CDH18: variants seen among roughly 807,000 people sequenced by gnomAD.
CDH18 encodes the protein cadherin 18.
In CDH18, 31 loss-of-function variants were observed where a neutral mutation model predicts 67.9. The ratio of observed to expected loss-of-function variants is 0.46; its 90% CI spans 0.34 to 0.62. The LOEUF is 0.62. CDH18 is among the 20% of genes least tolerant of loss of function. The pLI, the probability that CDH18 is intolerant of heterozygous loss-of-function variation, is 0.01. For missense variants in CDH18, 890 were observed against 975.5 expected (o/e 0.91, Z 1.17); for synonymous variants, 362 against 347.2 (o/e 1.04, Z -0.48).
At chr5:19,888,036 G>T (rs1315731293) in intron 2 of CDH18, among the ~76,000 whole-genome samples, 1 of 152,080 alleles carries the variant, frequency 6.6e-6, no homozygotes, top group Admixed American at 6.6e-5. Context: ...GTATAGGTAG[G>T]TTCTAATCTC....
intron 11 of CDH18, among the ~76,000 whole-genome samples, chr5:19,495,008 A>T (rs1742050116): frequency 6.6e-6 from 1 of 152,176 alleles, no homozygotes; most frequent in South Asian, 2.1e-4. Context: ...TTTCATTAAC[A>T]GTTCGTACTG....
intron 3 of CDH18, among the ~76,000 whole-genome samples, chr5:19,751,357 CTG>C (rs1770817991): frequency 6.6e-6 from 1 of 152,160 alleles, no homozygotes. Flanking sequence ...TGACTTAAAA[CTG>C]TAATATTTTG....
intron 2 of CDH18, among the ~76,000 whole-genome samples, chr5:19,940,040 T>C (rs1794664369): frequency 6.6e-6 from 1 of 151,872 alleles, no homozygotes. Context: ...ATGTTTTCAA[T>C]ATTTGCATCT....
intron 5 of CDH18, among the ~76,000 whole-genome samples, chr5:19,687,488 G>C (rs1006036758): frequency 2.0e-5 from 3 of 152,166 alleles, no homozygotes; most frequent in African/African-American, 7.2e-5. Flanking sequence ...ACAGCGTCCT[G>C]TATCTTGGGG....
At chr5:20,312,328 G>A (rs1015019211) in intron 1 of CDH18, among the ~76,000 whole-genome samples, 6 of 152,028 alleles carry the variant, frequency 3.9e-5, no homozygotes, top group Non-Finnish European at 5.9e-5. Context: ...GTTAACTTCT[G>A]TAATTAATTA....
At chr5:19,610,800 T>C (rs1054546743) in intron 6 of CDH18, among the ~76,000 whole-genome samples, 10 of 152,104 alleles carry the variant, frequency 6.6e-5, no homozygotes, top group South Asian at 6.2e-4. Context: ...AGTGATAACA[T>C]TGATACAAAA....
chr5:20,524,066 A>G (rs1276665687), intron 1 of CDH18, among the ~76,000 whole-genome samples: 1 of 152,154 alleles, frequency 6.6e-6, no homozygotes, highest in South Asian at 2.1e-4. Flanking sequence ...ATCCATATGA[A>G]ATGAGCTCTT....
chr5:20,181,210 C>T (rs1561856421), intron 2 of CDH18, among the ~76,000 whole-genome samples: 1 of 152,112 alleles, frequency 6.6e-6, no homozygotes, highest in African/African-American at 2.4e-5. Flanking sequence ...TCAGTTGCTC[C>T]TCCCATATTT....
intron 1 of CDH18, among the ~76,000 whole-genome samples, chr5:20,500,213 T>C (rs1464539769): frequency 6.6e-6 from 1 of 152,128 alleles, no homozygotes; most frequent in African/African-American, 2.4e-5. Context: ...ACTCAAACAA[T>C]TAAATTGCTG....
intron 1 of CDH18, among the ~76,000 whole-genome samples, chr5:20,322,062 C>T (rs1738083286): frequency 6.6e-6 from 1 of 152,022 alleles, no homozygotes; most frequent in Non-Finnish European, 1.5e-5. Context: ...GAAAAAAAAG[C>T]CTGCAGGAAA....
intron 4 of CDH18, among the ~76,000 whole-genome samples, chr5:19,732,364 G>A (rs1357053206): frequency 3.3e-5 from 5 of 152,042 alleles, no homozygotes; most frequent in African/African-American, 9.7e-5. Context: ...TGAGGCAGGA[G>A]GGTCTTGAGC....
chr5:20,196,252 T>A (rs189152270), intron 2 of CDH18, among the ~76,000 whole-genome samples: 72 of 151,996 alleles, frequency 4.7e-4, no homozygotes, highest in African/African-American at 1.7e-3. Context: ...AGAGTTATAG[T>A]GTTTACTAAT....
At chr5:20,179,707 A>G (rs1737532904) in intron 2 of CDH18, among the ~76,000 whole-genome samples, 1 of 152,178 alleles carries the variant, frequency 6.6e-6, no homozygotes, top group Admixed American at 6.5e-5. Flanking sequence ...AGTTTGATGC[A>G]ATCTCACAAA....
At chr5:20,093,030 A>G (rs535648985) in intron 2 of CDH18, among the ~76,000 whole-genome samples, 218 of 152,284 alleles carry the variant, frequency 1.4e-3, no homozygotes, top group African/African-American at 5.0e-3. Context: ...ATAACATAAA[A>G]TTTATAATTT....
At chr5:20,261,732 A>AT (rs1744672184) in intron 1 of CDH18, among the ~76,000 whole-genome samples, 2 of 152,116 alleles carry the variant, frequency 1.3e-5, no homozygotes, top group African/African-American at 4.8e-5. Context: ...CTCCGTTTAA[A>AT]AAAAAAAAAT....
chr5:19,790,127 A>G (rs1776204928), intron 3 of CDH18, among the ~76,000 whole-genome samples: 1 of 152,074 alleles, frequency 6.6e-6, no homozygotes, highest in East Asian at 1.9e-4. Flanking sequence ...AAGCTCCTTC[A>G]TGGGCTCATT....
At chr5:20,406,055 T>C (rs933075185) in intron 1 of CDH18, among the ~76,000 whole-genome samples, 124 of 151,484 alleles carry the variant, frequency 8.2e-4, no homozygotes, top group African/African-American at 2.8e-3. Flanking sequence ...ACTAGAAACA[T>C]CATTTGACCC....
intron 2 of CDH18, among the ~76,000 whole-genome samples, chr5:20,217,545 T>A (rs2126426275): frequency 6.6e-6 from 1 of 151,658 alleles, no homozygotes; most frequent in African/African-American, 2.4e-5. Context: ...CAGCAAGGAA[T>A]TAGAACATAC....
chr5:19,829,296 C>A (rs138678756), intron 3 of CDH18, among the ~76,000 whole-genome samples: 1,994 of 152,074 alleles, frequency 0.013, 37 homozygotes, highest in African/African-American at 0.045. Context: ...ATGATATAAT[C>A]CTATACCTAG....
Sources: allele counts gnomAD v4.1 joint callset (sites outside exome capture counted in the v4.1 genomes callset), GRCh38; gene constraint gnomAD v4.1.1; transcripts MANE v1.5; gene names NCBI Gene and HGNC (gene_info 2026-07-23, HGNC 2026-07-21).